FAM114A1: variants seen among roughly 807,000 people sequenced by gnomAD.
FAM114A1 encodes the protein protein NOXP20.
Under a neutral mutation model 64.3 loss-of-function variants are expected in FAM114A1, and 62 were observed. That is an observed-to-expected ratio of 0.96 (90% CI 0.79 to 1.19). FAM114A1 has a LOEUF of 1.19. Among genes scored for constraint, FAM114A1 ranks in the 50% most tolerant of loss-of-function variants. FAM114A1 has a pLI of 0.00. For missense variants in FAM114A1, 645 were observed against 676.3 expected (o/e 0.95, Z 0.51); for synonymous variants, 254 against 251.1 (o/e 1.01, Z -0.11).
At chr4:38,899,455 C>G (rs781147342) in intron 4 of FAM114A1, among the ~76,000 whole-genome samples, 1 of 152,108 alleles carries the variant, frequency 6.6e-6, no homozygotes, top group East Asian at 1.9e-4. Context: ...TAGTTGAGCG[C>G]TGTCAGTAGA....
intron 4 of FAM114A1, among the ~76,000 whole-genome samples, chr4:38,895,989 G>A (rs1208415736): frequency 6.6e-6 from 1 of 151,922 alleles, no homozygotes; most frequent in Non-Finnish European, 1.5e-5. Flanking sequence ...TTCTCTTCTC[G>A]TCTCTGTTTG....
chr4:38,878,539 A>T (rs1714903351), intron 3 of FAM114A1, 113 bp downstream of exon 3: 7 of 795,760 alleles, frequency 8.8e-6, no homozygotes, highest in Non-Finnish European at 1.4e-5. Context: ...ATGTACTGTG[A>T]CATCCCCTCT....
intron 9 of FAM114A1, among the ~76,000 whole-genome samples, chr4:38,928,420 A>G (rs2109774701): frequency 6.6e-6 from 1 of 152,232 alleles, no homozygotes; most frequent in Middle Eastern, 3.4e-3. Context: ...ATCTTTAACA[A>G]TCTCTTTATT....
At chr4:38,938,275 A>G (rs1721275698) in intron 13 of FAM114A1, among the ~76,000 whole-genome samples, 1 of 152,154 alleles carries the variant, frequency 6.6e-6, no homozygotes, top group Non-Finnish European at 1.5e-5. Context: ...TCAGGCCAAG[A>G]GCATTTCTAA....
chr4:38,942,810 T>G (rs1326092545), intron 14 of FAM114A1, among the ~76,000 whole-genome samples: 1 of 152,170 alleles, frequency 6.6e-6, no homozygotes, highest in Non-Finnish European at 1.5e-5. Context: ...CTTCATACAG[T>G]GTTTTTGTGT....
At position 38,927,133 on chromosome 4, in the gene FAM114A1, C is replaced by A. The variant is rs527881392; in HGVS notation, c.1070-2109C>A. ...GCTACACTGCAGCTGGAAGGCTCTT[C>A]CCCCCTGACATCTTGTAGCTGGCTC... On this transcript the variant is annotated intron_variant, in intron 9 of 14. Coordinates refer to ENST00000358869, the MANE Select transcript of FAM114A1 (RefSeq NM_138389.4). Among the ~76,000 whole-genome samples, 23 of 150,628 alleles carry A rather than the reference C, an allele frequency of 1.5e-4. 2 individuals are homozygous for A. The East Asian group carries it at 3.8e-3, about 25-fold the overall frequency.
At chr4:38,937,418 C>T (rs1312699706) in intron 13 of FAM114A1, among the ~76,000 whole-genome samples, 1 of 152,194 alleles carries the variant, frequency 6.6e-6, no homozygotes, top group Admixed American at 6.5e-5. Flanking sequence ...TGTGTCTCCA[C>T]ATCACCTTCC....
intron 7 of FAM114A1, among the ~76,000 whole-genome samples, chr4:38,914,028 A>T (rs1447579398): frequency 6.6e-6 from 1 of 151,660 alleles, no homozygotes; most frequent in African/African-American, 2.4e-5. Flanking sequence ...TGAACCTGGG[A>T]TGGGGAGGTT....
chr4:38,894,110 CAG>C (rs943108952), intron 4 of FAM114A1, among the ~76,000 whole-genome samples: 2 of 135,998 alleles, frequency 1.5e-5, no homozygotes, highest in African/African-American at 5.6e-5. Context: ...TTGCAGTGAA[CAG>C]AGATTACGCC....
Position 38,920,418 on chromosome 4 carries a change from G to C in FAM114A1, c.946-2352G>C, listed in dbSNP as rs539183861. Among the ~76,000 whole-genome samples, 15 of 152,258 alleles carry C rather than the reference G, an allele frequency of 9.9e-5. No individual in the cohort carries two copies. The East Asian group carries it at 2.9e-3, about 29-fold the overall frequency. On this transcript the variant is annotated intron_variant, in intron 8 of 14. Transcript: ENST00000358869. Reference sequence around the variant, plus strand: ...CATAAATACTTATGGAGAAGTGTGTGATTATGTCATATTTATTATTGGATT... The same window carrying C: ...CATAAATACTTATGGAGAAGTGTGTCATTATGTCATATTTATTATTGGATT...
chr4:38,945,334 G>A lies in FAM114A1; in HGVS notation c.*1777G>A, dbSNP rs74483769. ...TGCACAGAAGACCCTGCGGCCAGGAGGGGCATTGTCAGTGGCTGCTTCTCC... is the reference window on the plus strand; with the variant it reads ...TGCACAGAAGACCCTGCGGCCAGGAAGGGCATTGTCAGTGGCTGCTTCTCC... On this transcript the variant is annotated 3_prime_UTR_variant, in exon 15 of 15. Coordinates refer to ENST00000358869, the MANE Select transcript of FAM114A1 (RefSeq NM_138389.4). The A allele has an allele frequency of 5.0e-3, 756 of 152,320 alleles. 5 individuals carry two copies. The highest frequency in any genetic ancestry group is 8.9e-3 in the Non-Finnish European group (608 of 68,028). 9.4% of individuals were successfully genotyped at this position (152,320 alleles called of 1,614,324 possible). A position where few individuals can be genotyped will look rare whatever the true frequency, so the allele number is the denominator to read the frequency against.
chr4:38,880,840 A>G (rs1715195575), intron 3 of FAM114A1, among the ~76,000 whole-genome samples: 1 of 152,262 alleles, frequency 6.6e-6, no homozygotes, highest in African/African-American at 2.4e-5. Flanking sequence ...TTCAAAATCC[A>G]TATACATTCC....
chr4:38,915,747 GTGTGT>G (rs1718988008), intron 8 of FAM114A1, among the ~76,000 whole-genome samples: 1 of 33,474 alleles, frequency 3.0e-5, no homozygotes, highest in African/African-American at 2.4e-4. Flanking sequence ...CTATAGTGGT[GTGTGT>G]GTGTGTGTGT....
At chr4:38,943,373 A>T in intron 14 of FAM114A1, 83 bp from the exon 15 acceptor site, 1 of 1,178,470 alleles carries the variant, frequency 8.5e-7, no homozygotes, top group Non-Finnish European at 1.3e-6. Context: ...TGGGTTGAAG[A>T]GTGGGAACAT....
At chr4:38,899,942 C>G (rs1471755944) in intron 4 of FAM114A1, among the ~76,000 whole-genome samples, 1 of 152,014 alleles carries the variant, frequency 6.6e-6, no homozygotes, top group Admixed American at 6.6e-5. Context: ...TTCCACAGGA[C>G]CTTATAAGCT....
chr4:38,935,177 A>G (rs1045982548), intron 12 of FAM114A1, among the ~76,000 whole-genome samples: 1 of 152,162 alleles, frequency 6.6e-6, no homozygotes, highest in Admixed American at 6.5e-5. Context: ...TCGGCCTCCC[A>G]CAGCTGAGAT....
At chr4:38,875,557 T>C (rs1382489844) in intron 2 of FAM114A1, among the ~76,000 whole-genome samples, 2 of 152,244 alleles carry the variant, frequency 1.3e-5, no homozygotes, top group East Asian at 3.8e-4. Context: ...TTATCAGATC[T>C]AGGAGCCTTT....
chr4:38,906,786 C>T (rs1368534685), intron 6 of FAM114A1, among the ~76,000 whole-genome samples: 5 of 152,162 alleles, frequency 3.3e-5, no homozygotes, highest in Admixed American at 6.5e-5. Flanking sequence ...CCTCCTGCCT[C>T]GGCCTCCCAA....
chr4:38,890,187 G>A (rs1047010031), intron 3 of FAM114A1, among the ~76,000 whole-genome samples: 8 of 152,146 alleles, frequency 5.3e-5, no homozygotes, highest in African/African-American at 1.9e-4. Context: ...GGCGGATCAT[G>A]AGGTCAAGAG....
Sources: gnomAD v4.1 joint callset for allele counts (sites outside exome capture counted in the v4.1 genomes callset) on GRCh38, gnomAD v4.1.1 for gene constraint, MANE v1.5 for transcripts, NCBI Gene and HGNC (gene_info 2026-07-23, HGNC 2026-07-21) for gene names.